Variants in ASNS observed in about 807,000 individuals in gnomAD.
ASNS encodes the protein asparagine synthetase (glutamine-hydrolyzing).
In ASNS, 37 loss-of-function variants were observed where a neutral mutation model predicts 62.6. That is an observed-to-expected ratio of 0.59 (90% CI 0.45 to 0.78). The LOEUF is 0.78. Among genes scored for constraint, ASNS ranks in the 30% least tolerant of loss-of-function variants. The pLI is 0.00. For missense variants in ASNS, 520 were observed against 682.4 expected (o/e 0.76, Z 2.65); for synonymous variants, 207 against 237.9 (o/e 0.87, Z 1.19).
the ASNS span, among the ~76,000 whole-genome samples, chr7:97,900,360 C>CAAAAAAAAAAAA: frequency 2.5e-4 from 22 of 89,342 alleles, no homozygotes; most frequent in East Asian, 9.3e-4. Context: ...GACTTTGTCT[C>CAAAAAAAAAAAA]AAAAAAAAAA....
chr7:97,896,741 C>CACATATATATATATAT, the ASNS span, among the ~76,000 whole-genome samples: 59 of 19,758 alleles, frequency 3.0e-3, no homozygotes, highest in Admixed American at 4.7e-3. Context: ...CACACACACA[C>CACATATATATATATAT]ATATATATAT....
chr7:97,858,782 C>A (rs1020272918), intron 6 of ASNS, 72 bp downstream of exon 6: 1 of 1,393,262 alleles, frequency 7.2e-7, no homozygotes, highest in Non-Finnish European at 9.9e-7. Flanking sequence ...TAGTAAAAAC[C>A]AAAGGGATGG....
the ASNS span, among the ~76,000 whole-genome samples, chr7:97,884,605 C>T: frequency 2.0e-5 from 3 of 152,142 alleles, no homozygotes; most frequent in Non-Finnish European, 2.9e-5. Context: ...GACTTCACTA[C>T]GCTGTTTCTC....
the ASNS span, among the ~76,000 whole-genome samples, chr7:97,895,532 G>A: frequency 6.6e-6 from 1 of 152,216 alleles, no homozygotes; most frequent in East Asian, 1.9e-4. Context: ...GGTAGCTCAT[G>A]CCTGTAATCC....
At position 97,858,841 on chromosome 7, in the gene ASNS, T is replaced by A. The variant is rs552328986; in HGVS notation, c.775+13A>T. On this transcript the variant is annotated intron_variant, in intron 6 of 12. Coordinates refer to ENST00000394308, the MANE Select transcript of ASNS (RefSeq NM_001673.5). ...CACATGAAATATAATTAGGTTTTTT[T>A]AATTGACTTCACCTGATAAAAGGCA... 6.0e-5 allele frequency: 96 copies of A among 1,598,692 alleles called. No homozygotes were observed. The highest frequency in any genetic ancestry group is 2.9e-4 in the Admixed American group (16 of 55,832).
At chr7:97,911,255 T>C in the ASNS span, among the ~76,000 whole-genome samples, 1 of 152,118 alleles carries the variant, frequency 6.6e-6, no homozygotes, top group Non-Finnish European at 1.5e-5. Context: ...GTTAATAGTT[T>C]TTAAATCTAT....
At chr7:97,893,400 C>T in the ASNS span, among the ~76,000 whole-genome samples, 1 of 152,198 alleles carries the variant, frequency 6.6e-6, no homozygotes, top group Admixed American at 6.5e-5. Context: ...ATAATAACTT[C>T]GAATATGGGT....
chr7:97,852,360 G>A lies in ASNS; in HGVS notation c.1585C>T (p.Arg529Trp), dbSNP rs779360130. 1.1e-5 allele frequency: 17 copies of A among 1,614,016 alleles called. No individual in the cohort carries two copies. The highest frequency in any genetic ancestry group is 1.3e-5 in the Non-Finnish European group (15 of 1,180,044). Residue 529 changes from arginine to tryptophan, a missense_variant, in exon 13 of 13, where the codon CGG (arginine) becomes TGG (tryptophan). By Grantham distance (101) the Arg-to-Trp change is moderately radical. Transcript: ENST00000394308. Reference protein sequence around the residue: ...RQVFERHYPGRADWLSHYWMP... With the variant: ...RQVFERHYPGWADWLSHYWMP... The stretch of plus-strand genomic sequence containing the variant: ...CAGTAATGGCTCAGCCAGTCAGCCC[G>A]GCCTGGGTAATGGCGTTCAAAGACT...
chr7:97,868,877 G>T (rs79435686), intron 3 of ASNS, 31 bp downstream of exon 3: 2 of 1,607,652 alleles, frequency 1.2e-6, no homozygotes, highest in East Asian at 4.5e-5. Flanking sequence ...AAGTTTAATC[G>T]CATCCAGACA....
At chr7:97,891,240 C>T in the ASNS span, among the ~76,000 whole-genome samples, 2 of 152,198 alleles carry the variant, frequency 1.3e-5, no homozygotes, top group Non-Finnish European at 2.9e-5. Context: ...ACCATCACAC[C>T]TTGTGAGACG....
chr7:97,912,638 G>T, the ASNS span, among the ~76,000 whole-genome samples: 9 of 144,832 alleles, frequency 6.2e-5, no homozygotes, highest in African/African-American at 2.3e-4. Context: ...GCTGGAGTGC[G>T]GTGGTGCCAT....
At chr7:97,862,462 G>A (rs1438241981) in intron 4 of ASNS, among the ~76,000 whole-genome samples, 2 of 152,186 alleles carry the variant, frequency 1.3e-5, no homozygotes, top group Non-Finnish European at 2.9e-5. Flanking sequence ...AGGAGGAAGA[G>A]GACGGGAGGA....
the ASNS span, among the ~76,000 whole-genome samples, chr7:97,881,512 G>A: frequency 2.0e-5 from 3 of 151,814 alleles, no homozygotes; most frequent in African/African-American, 7.3e-5. Context: ...TCACATAAAT[G>A]GAATCATGTA....
chr7:97,905,384 T>C, the ASNS span, among the ~76,000 whole-genome samples: 1 of 152,206 alleles, frequency 6.6e-6, no homozygotes, highest in Non-Finnish European at 1.5e-5. Context: ...CAAGGGCTGC[T>C]GAATGATACT....
At chr7:97,853,430 A>AGT in intron 10 of ASNS, 44 bp from the exon 11 acceptor site, 1 of 1,507,650 alleles carries the variant, frequency 6.6e-7, no homozygotes, top group Non-Finnish European at 9.2e-7. Context: ...ATGGGTATTT[A>AGT]GTGCCTGCCA....
chr7:97,859,118 C>T lies in ASNS; in HGVS notation c.673+95G>A, dbSNP rs1791594475. 13 of 1,495,606 alleles carry T rather than the reference C, an allele frequency of 8.7e-6. No homozygotes were observed. In the South Asian group the frequency reaches 1.5e-4, roughly 17 times the overall value. The allele number at this position is 1,495,606 out of a possible 1,614,324, so 92.6% of individuals were successfully genotyped here. ...CCTCCAAACAAAATAGGAAGTAGGT[C>T]TTGAAACTAAAATCATTCAAATGAT... On this transcript the variant is annotated intron_variant, in intron 5 of 12. Transcript: ENST00000394308.
rs1421192810 is a variant in ASNS, at chr7:97,859,389, G to GT, written c.496dup (p.Thr166AsnfsTer21). 1 of 1,605,274 alleles carries GT rather than the reference G, an allele frequency of 6.2e-7. No individual in the cohort carries two copies. Among genetic ancestry groups the GT allele is most frequent in the Non-Finnish European group, 8.5e-7 (1 of 1,175,210 alleles). ...AAAGGGAGTCGCGGAGTGCTTCAAT[G>GT]TAACAAGACCTAGAAATTCACAATG... On this transcript the variant is annotated frameshift_variant, in exon 5 of 13. Coordinates refer to ENST00000394308, the MANE Select transcript of ASNS (RefSeq NM_001673.5). LOFTEE classifies it high-confidence loss of function.
intron 3 of ASNS, among the ~76,000 whole-genome samples, chr7:97,866,616 G>A (rs1791985355): frequency 6.6e-6 from 1 of 152,186 alleles, no homozygotes; most frequent in Non-Finnish European, 1.5e-5. Context: ...AGAGAAAGAA[G>A]AGGTTTAAAT....
chr7:97,896,759 T>C, the ASNS span, among the ~76,000 whole-genome samples: 1 of 103,220 alleles, frequency 9.7e-6, no homozygotes, highest in South Asian at 3.3e-4. Flanking sequence ...TATATATATA[T>C]ATATATATAT....
Sources: gnomAD v4.1 joint callset for allele counts (sites outside exome capture counted in the v4.1 genomes callset) on GRCh38, gnomAD v4.1.1 for gene constraint, MANE v1.5 for transcripts, NCBI Gene and HGNC (gene_info 2026-07-23, HGNC 2026-07-21) for gene names.